CNBD1: variants seen among roughly 807,000 people sequenced by gnomAD.
CNBD1 encodes cyclic nucleotide binding domain containing 1.
In CNBD1, 71 loss-of-function variants were observed where a neutral mutation model predicts 54.4. The observed-to-expected ratio is 1.30, with a 90% confidence interval of 1.08 to 1.59. The LOEUF is 1.59. Ranked by LOEUF, CNBD1 falls within the 40% of genes most tolerant of loss-of-function variation. The pLI is 0.00. For missense variants in CNBD1, 659 were observed against 518.0 expected (o/e 1.27, Z -2.64); for synonymous variants, 182 against 170.7 (o/e 1.07, Z -0.51).
chr8:87,298,146 T>C (rs1808915400), intron 8 of CNBD1, among the ~76,000 whole-genome samples: 1 of 150,146 alleles, frequency 6.7e-6, no homozygotes, highest in African/African-American at 2.4e-5. Flanking sequence ...ATTTTTATTA[T>C]TGTTATTGTA....
At chr8:87,426,740 C>T (rs1808057480) in intron 2 of CNBD1, among the ~76,000 whole-genome samples, 2 of 152,104 alleles carry the variant, frequency 1.3e-5, no homozygotes, top group South Asian at 4.1e-4. Flanking sequence ...TGAGGTGGCA[C>T]CTAGCACTTA....
intron 3 of CNBD1, among the ~76,000 whole-genome samples, chr8:86,917,598 A>G (rs915726587): frequency 1.3e-5 from 2 of 152,158 alleles, no homozygotes; most frequent in African/African-American, 2.4e-5. Flanking sequence ...GGGGAAGACC[A>G]AGCTGCTGAG....
At position 87,205,938 on chromosome 8, in the gene CNBD1, G is replaced by A; in HGVS notation, c.432-55G>A. 3.0e-6 allele frequency: 4 copies of A among 1,325,952 alleles called. No individual in the cohort carries two copies. The South Asian group carries it at 7.6e-5, about 25-fold the overall frequency. 82.1% of individuals were successfully genotyped at this position (1,325,952 alleles called of 1,614,324 possible). A position where few individuals can be genotyped will look rare whatever the true frequency, so the allele number is the denominator to read the frequency against. On this transcript the variant is annotated intron_variant, in intron 4 of 10. Transcript: ENST00000518476. Reference sequence around the variant, plus strand: ...AAACTTAAAAATTAAGGATCTGTTTGTTTCTTTGCATTTATGCCATGGTCT... The same window carrying A: ...AAACTTAAAAATTAAGGATCTGTTTATTTCTTTGCATTTATGCCATGGTCT...
At chr8:86,882,628 A>G (rs1273883581) in intron 1 of CNBD1, among the ~76,000 whole-genome samples, 1 of 152,186 alleles carries the variant, frequency 6.6e-6, no homozygotes, top group Admixed American at 6.5e-5. Flanking sequence ...TCAAAGACCT[A>G]AAGACAGAAA....
chr8:87,095,658 G>T (rs1378273716), intron 4 of CNBD1, among the ~76,000 whole-genome samples: 1 of 152,020 alleles, frequency 6.6e-6, no homozygotes, highest in Non-Finnish European at 1.5e-5. Flanking sequence ...ATATATATCT[G>T]TTCTCGTCTT....
intron 10 of CNBD1, among the ~76,000 whole-genome samples, chr8:87,369,655 A>G (rs556867709): frequency 6.6e-6 from 1 of 151,956 alleles, no homozygotes; most frequent in Admixed American, 6.6e-5. Context: ...TATAGTTTCC[A>G]ATGAGAAGTT....
At chr8:87,197,835 T>A (rs1161866748) in intron 4 of CNBD1, among the ~76,000 whole-genome samples, 1 of 152,208 alleles carries the variant, frequency 6.6e-6, no homozygotes, top group Non-Finnish European at 1.5e-5. Flanking sequence ...ATTTTTATTG[T>A]CCCTCCCTCA....
At chr8:87,202,170 C>T (rs1813877113) in intron 4 of CNBD1, among the ~76,000 whole-genome samples, 1 of 148,930 alleles carries the variant, frequency 6.7e-6, no homozygotes, top group South Asian at 2.1e-4. Flanking sequence ...CTGGTAAAAG[C>T]AACGATTATT....
intron 10 of CNBD1, among the ~76,000 whole-genome samples, chr8:87,365,397 G>A (rs1031470678): frequency 6.6e-6 from 1 of 151,846 alleles, no homozygotes; most frequent in African/African-American, 2.4e-5. Context: ...CTGGATATTA[G>A]ACCTTTGTCA....
In CNBD1 at chr8:87,236,920, G is replaced by A; in HGVS notation, c.579G>A (p.Val193=). 6.3e-7 allele frequency: 1 copy of A among 1,585,326 alleles called. No individual in the cohort carries two copies. Residue 193 remains valine, a splice_region_variant and synonymous_variant, in exon 6 of 11, where the codon GTG becomes GTA. Coordinates refer to ENST00000518476, the MANE Select transcript of CNBD1 (RefSeq NM_173538.3). ...FSETWLKGST[V]VANDGFYVIL... is the part of the protein sequence containing the mutation. ...ATTTTTTGGCTTTGTTTTTTTCAGT[G>A]GTTGCAAATGATGGATTTTATGTAA... is the stretch of plus-strand genomic sequence containing the variant.
At chr8:86,940,110 T>C (rs1173635158) in intron 4 of CNBD1, among the ~76,000 whole-genome samples, 1 of 147,444 alleles carries the variant, frequency 6.8e-6, no homozygotes, top group Non-Finnish European at 1.5e-5. Context: ...CAGGAGTCTT[T>C]AAATAAACTT....
At chr8:87,323,198 G>A (rs919847837) in intron 8 of CNBD1, among the ~76,000 whole-genome samples, 1 of 119,638 alleles carries the variant, frequency 8.4e-6, no homozygotes, top group Non-Finnish European at 1.8e-5. Context: ...TGCTGTTTTG[G>A]TTACTGTAGC....
chr8:87,387,894 T>A (rs1055301307), intron 2 of CNBD1, among the ~76,000 whole-genome samples: 5 of 152,078 alleles, frequency 3.3e-5, no homozygotes, highest in African/African-American at 1.2e-4. Context: ...ATAGAAATTA[T>A]AACAAACTGT....
intron 4 of CNBD1, among the ~76,000 whole-genome samples, chr8:87,032,420 A>C (rs570317119): frequency 6.6e-6 from 1 of 152,350 alleles, no homozygotes; most frequent in South Asian, 2.1e-4. Context: ...TAGAGAAAAG[A>C]AAACGCTATT....
chr8:87,345,678 G>A (rs556796120), intron 8 of CNBD1, among the ~76,000 whole-genome samples: 52 of 152,020 alleles, frequency 3.4e-4, no homozygotes, highest in South Asian at 1.5e-3. Flanking sequence ...ACTGAACTAA[G>A]CAAGAAAATT....
At chr8:87,372,541 C>G (rs1484532454) in intron 10 of CNBD1, among the ~76,000 whole-genome samples, 1 of 151,822 alleles carries the variant, frequency 6.6e-6, no homozygotes, top group Non-Finnish European at 1.5e-5. Flanking sequence ...AACGTGGTCT[C>G]CAAGATTAAG....
intron 6 of CNBD1, among the ~76,000 whole-genome samples, chr8:87,276,571 C>T (rs1384291194): frequency 2.0e-5 from 3 of 151,826 alleles, no homozygotes; most frequent in Non-Finnish European, 2.9e-5. Context: ...AGCTCAGTTG[C>T]TTCAATCTAT....
rs186231443 is a variant in CNBD1 at position 87,248,846 on chromosome 8, A to C, written c.771+11734A>C. On this transcript the variant is annotated intron_variant, in intron 6 of 10. Coordinates refer to ENST00000518476, the MANE Select transcript of CNBD1 (RefSeq NM_173538.3). ...TGTGGGCTTACCAAAACTGTGACTG[A>C]GACAAGTACACAGTGCAGGAAAGAG... Among the ~76,000 whole-genome samples the C allele has an allele frequency of 5.6e-3, 851 of 152,268 alleles. 7 individuals are homozygous for C. The highest frequency in any genetic ancestry group is 0.019 in the African/African-American group (808 of 41,544).
At chr8:86,997,940 C>T (rs922974995) in intron 4 of CNBD1, among the ~76,000 whole-genome samples, 47 of 152,086 alleles carry the variant, frequency 3.1e-4, no homozygotes, top group African/African-American at 1.1e-3. Flanking sequence ...TTTAACGTTC[C>T]TTGTTAAACA....
Sources: gnomAD v4.1 joint callset for allele counts (sites outside exome capture counted in the v4.1 genomes callset) on GRCh38, gnomAD v4.1.1 for gene constraint, MANE v1.5 for transcripts, NCBI Gene and HGNC (gene_info 2026-07-23, HGNC 2026-07-21) for gene names.